The following CRK variants were observed in gnomAD, a reference collection of about 807,000 sequenced individuals.
CRK encodes the protein adapter molecule crk.
A neutral mutation model predicts 29.8 loss-of-function variants in CRK; 4 were observed. The observed-to-expected ratio is 0.13, with a 90% CI of 0.07 to 0.31. The LOEUF (loss-of-function observed/expected upper bound fraction) is 0.31. Ranked by LOEUF, CRK falls within the 10% of genes least tolerant of loss-of-function variation. The pLI is 1.00. For synonymous variants in CRK, 153 were observed against 164.9 expected (o/e 0.93, Z 0.55); for missense variants, 274 against 396.5 (o/e 0.69, Z 2.62).
intron 2 of CRK, among the ~76,000 whole-genome samples, chr17:1,430,969 G>GAAT (rs1425641522): frequency 1.3e-5 from 2 of 152,008 alleles, no homozygotes; most frequent in East Asian, 3.9e-4. Flanking sequence ...TAGGGAGGCT[G>GAAT]AGGCAGGAGA....
At chr17:1,424,323 CCA>C (rs1242173730) in intron 2 of CRK, 1 of 152,362 alleles carries the variant, frequency 6.6e-6, no homozygotes, top group East Asian at 1.9e-4. Context: ...CCTTGGCCTC[CCA>C]AAGTGCTTGG....
In CRK at chr17:1,422,922, T is replaced by C. The variant is rs535791681; in HGVS notation, c.*591A>G. ...ACAAGAATGTCAAGGGCTAAAAGAA[T>C]CCCAAGAAAAAGTATGAAGCATTGA... is the stretch of plus-strand genomic sequence containing the variant. On this transcript the variant is annotated 3_prime_UTR_variant, in exon 3 of 3. Coordinates refer to ENST00000300574, the MANE Select transcript of CRK (RefSeq NM_016823.4). The C allele has an allele frequency of 2.0e-5, 8 of 398,984 alleles. No individual in the cohort carries two copies. In the South Asian group the frequency reaches 8.9e-4, roughly 44 times the overall value. The allele number at this position is 398,984 out of a possible 1,614,324, so 24.7% of individuals were successfully genotyped here.
At chr17:1,445,489 C>T (rs1374695604) in intron 1 of CRK, among the ~76,000 whole-genome samples, 1 of 152,156 alleles carries the variant, frequency 6.6e-6, no homozygotes, top group Non-Finnish European at 1.5e-5. Flanking sequence ...GCAAAAGTTC[C>T]GAGGGCAGGA....
chr17:1,426,024 T>G (rs1460706882), intron 2 of CRK, among the ~76,000 whole-genome samples: 1 of 152,002 alleles, frequency 6.6e-6, no homozygotes, highest in Non-Finnish European at 1.5e-5. Flanking sequence ...ATCTTGTCTC[T>G]ACAAAAAAAT....
Position 1,456,102 on chromosome 17 carries a change from C to G in CRK, c.16G>C (p.Asp6His), listed in dbSNP as rs2074055102. 2 of 1,549,890 alleles carry G rather than the reference C, an allele frequency of 1.3e-6. No homozygotes were observed. Among genetic ancestry groups the G allele is most frequent in the African/African-American group, 1.4e-5 (1 of 70,390 alleles). Residue 6 changes from aspartate to histidine, a missense_variant, in exon 1 of 3, where the codon GAC becomes CAC. Asp to His is a moderately conservative substitution (Grantham distance 81, BLOSUM62 -1). This residue lies in a region of CRK where 135 missense variants were observed against 180.9 expected (regional missense o/e 0.75). Transcript: ENST00000300574. MAGNF[D>H]SEERSSWYWG... ...TACCAGCTACTCCGCTCCTCCGAGT[C>G]GAAGTTGCCCGCCATGGCTGCCTCC...
At chr17:1,443,904 A>G (rs1256756936) in intron 1 of CRK, among the ~76,000 whole-genome samples, 2 of 140,630 alleles carry the variant, frequency 1.4e-5, no homozygotes, top group African/African-American at 5.4e-5. Flanking sequence ...GTTTCACCAT[A>G]TTGGCCAGGC....
At position 1,423,421 on chromosome 17, in the gene CRK, C is replaced by T; in HGVS notation, c.*92G>A. The T allele has an allele frequency of 1.3e-6, 2 of 1,484,036 alleles. No homozygotes were observed. Among genetic ancestry groups the T allele is most frequent in the Non-Finnish European group, 1.8e-6 (2 of 1,097,496 alleles). The allele number at this position is 1,484,036 out of a possible 1,614,324, so 91.9% of individuals were successfully genotyped here. On this transcript the variant is annotated 3_prime_UTR_variant, in exon 3 of 3. Coordinates refer to ENST00000300574, the MANE Select transcript of CRK (RefSeq NM_016823.4). ...CAGAATGCTTATATAAACTAGACTG[C>T]TTTTGACATCTGTAAGAAAATTGTA...
At chr17:1,433,834 T>G (rs2073866136) in intron 2 of CRK, among the ~76,000 whole-genome samples, 1 of 150,838 alleles carries the variant, frequency 6.6e-6, no homozygotes. Flanking sequence ...GGTTTTTTTT[T>G]TTTTTTTTTT....
At chr17:1,452,919 T>C (rs1428314777) in intron 1 of CRK, among the ~76,000 whole-genome samples, 2 of 151,792 alleles carry the variant, frequency 1.3e-5, no homozygotes, top group East Asian at 1.9e-4. Flanking sequence ...GCCTGGACAA[T>C]ACCGTGAGAC....
chr17:1,439,576 C>T (rs879535865), intron 1 of CRK, among the ~76,000 whole-genome samples: 7 of 152,130 alleles, frequency 4.6e-5, no homozygotes, highest in Non-Finnish European at 1.0e-4. Context: ...TAGCTGGGCA[C>T]GGTTGCTCAC....
At chr17:1,427,030 C>CCAA (rs2073785684) in intron 2 of CRK, among the ~76,000 whole-genome samples, 2 of 35,290 alleles carry the variant, frequency 5.7e-5, no homozygotes. Context: ...AAACTGTCTC[C>CCAA]AAAAAAAAAA....
chr17:1,439,360 G>A (rs112862749), intron 1 of CRK, among the ~76,000 whole-genome samples: 2,951 of 152,172 alleles, frequency 0.019, 102 homozygotes, highest in African/African-American at 0.067. Context: ...GCCTCCCAAA[G>A]TGCTGGGATT....
intron 2 of CRK, among the ~76,000 whole-genome samples, chr17:1,430,705 A>T (rs2073835442): frequency 6.6e-6 from 1 of 151,992 alleles, no homozygotes; most frequent in Non-Finnish European, 1.5e-5. Context: ...TTTGTAAGCA[A>T]TCAATTGGGC....
chr17:1,442,975 C>CCTTT (rs201558881), intron 1 of CRK, among the ~76,000 whole-genome samples: 2 of 110,472 alleles, frequency 1.8e-5, no homozygotes, highest in African/African-American at 6.1e-5. Flanking sequence ...CAGCAACCTC[C>CCTTT]CTTTCTTTCT....
intron 2 of CRK, among the ~76,000 whole-genome samples, chr17:1,425,182 C>T (rs991655040): frequency 4.0e-5 from 6 of 151,530 alleles, no homozygotes; most frequent in African/African-American, 7.3e-5. Flanking sequence ...CTCTGCCTCC[C>T]GGGTTCACGC....
chr17:1,456,134 A>G lies in CRK; in HGVS notation c.-17T>C. ...GCCCGCCATGGCTGCCTCCGCGCCTAAACGCTGGGGTGCCGCCGCCGCGCG... is the reference window on the plus strand; with the variant it reads ...GCCCGCCATGGCTGCCTCCGCGCCTGAACGCTGGGGTGCCGCCGCCGCGCG... On this transcript the variant is annotated 5_prime_UTR_variant, in exon 1 of 3. Coordinates refer to ENST00000300574, the MANE Select transcript of CRK (RefSeq NM_016823.4). The G allele has an allele frequency of 8.6e-6, 13 of 1,509,308 alleles. No individual in the cohort carries two copies. Among genetic ancestry groups the G allele is most frequent in the East Asian group, 2.8e-5 (1 of 35,404 alleles). 93.5% of individuals were successfully genotyped at this position (1,509,308 alleles called of 1,614,324 possible).
intron 2 of CRK, among the ~76,000 whole-genome samples, chr17:1,433,990 G>A (rs937585661): frequency 1.3e-5 from 2 of 152,176 alleles, no homozygotes; most frequent in East Asian, 1.9e-4. Context: ...GTAAGTCACA[G>A]CACCTGGCCA....
At chr17:1,454,343 C>G (rs1483965399) in intron 1 of CRK, among the ~76,000 whole-genome samples, 1 of 152,220 alleles carries the variant, frequency 6.6e-6, no homozygotes, top group East Asian at 1.9e-4. Context: ...GAGTTCGAGA[C>G]CAGCCTGGCC....
At chr17:1,444,657 C>T (rs1281161508) in intron 1 of CRK, among the ~76,000 whole-genome samples, 3 of 149,386 alleles carry the variant, frequency 2.0e-5, no homozygotes, top group East Asian at 2.0e-4. Flanking sequence ...GGAGAAACCC[C>T]GTCTTTACTA....
Sources: allele counts gnomAD v4.1 joint callset (sites outside exome capture counted in the v4.1 genomes callset), GRCh38; gene constraint gnomAD v4.1.1; regional missense constraint gnomAD v4.1.1; transcripts MANE v1.5; gene names NCBI Gene and HGNC (gene_info 2026-07-23, HGNC 2026-07-21).